The following HNMT variants were observed in gnomAD, a reference collection of about 807,000 sequenced individuals.
HNMT encodes histamine N-methyltransferase.
Under a neutral mutation model 32.1 loss-of-function variants are expected in HNMT, and 30 were observed. The observed-to-expected ratio is 0.93, with a 90% confidence interval of 0.70 to 1.27. HNMT has a LOEUF of 1.27. Ranked by LOEUF, HNMT falls within the 50% of genes most tolerant of loss-of-function variation. HNMT has a pLI of 0.00. For synonymous variants in HNMT, 125 were observed against 119.0 expected, an observed-to-expected ratio of 1.05 and a Z score of -0.33; for missense variants, 327 against 346.0, an observed-to-expected ratio of 0.95 and a Z score of 0.43.
intron 2 of HNMT, among the ~76,000 whole-genome samples, chr2:137,975,512 A>G (rs1225824563): frequency 6.6e-6 from 1 of 152,184 alleles, no homozygotes; most frequent in Non-Finnish European, 1.5e-5. Flanking sequence ...GTGAGTTTGG[A>G]GTCCCAGGAT....
chr2:138,000,446 G>T (rs1051913193), intron 2 of HNMT, among the ~76,000 whole-genome samples: 1 of 147,626 alleles, frequency 6.8e-6, no homozygotes, highest in East Asian at 2.0e-4. Context: ...ACATATGCTT[G>T]TACCCTTTAT....
chr2:138,000,263 CT>C (rs1278538695), intron 2 of HNMT, among the ~76,000 whole-genome samples: 1 of 152,114 alleles, frequency 6.6e-6, no homozygotes, highest in Non-Finnish European at 1.5e-5. Context: ...CATGAGTGAT[CT>C]TCCCCCATGA....
At chr2:137,982,000 C>T (rs903269013) in intron 2 of HNMT, among the ~76,000 whole-genome samples, 3 of 152,138 alleles carry the variant, frequency 2.0e-5, no homozygotes, top group African/African-American at 7.2e-5. Context: ...ATTACAGGCT[C>T]ACGCCACCAC....
At chr2:137,984,749 T>G (rs1231692549) in intron 2 of HNMT, among the ~76,000 whole-genome samples, 3 of 152,168 alleles carry the variant, frequency 2.0e-5, no homozygotes, top group African/African-American at 7.2e-5. Context: ...TGTTGGTAAG[T>G]TTGACATAGG....
rs1228651633 is a variant in HNMT at position 138,005,139 on chromosome 2, A to G, written c.437A>G (p.Tyr146Cys). 2 of 1,556,490 alleles carry G rather than the reference A, an allele frequency of 1.3e-6. No homozygotes were observed. Among genetic ancestry groups the G allele is most frequent in the Non-Finnish European group, 1.8e-6 (2 of 1,128,340 alleles). ...CTTTTTCCTCCTTTCTAGATGCTGT[A>G]TTATGTAAAAGACATCCCAGCTACC... ...WDFIHMIQML[Y>C]YVKDIPATLK... The change falls in exon 5 of 6, where the codon TAT (tyrosine) becomes TGT (cysteine). Residue 146 changes from tyrosine to cysteine, a missense_variant. Coordinates refer to ENST00000280097, the MANE Select transcript of HNMT (RefSeq NM_006895.3).
At chr2:137,966,934 A>G (rs1238208654) in intron 1 of HNMT, among the ~76,000 whole-genome samples, 1 of 152,172 alleles carries the variant, frequency 6.6e-6, no homozygotes, top group Admixed American at 6.5e-5. Context: ...TTTCCTGAAC[A>G]ATTCTTTAAG....
intron 3 of HNMT, among the ~76,000 whole-genome samples, 174 bp downstream of exon 3, chr2:138,001,199 G>A (rs1681160152): frequency 2.0e-5 from 3 of 152,168 alleles, no homozygotes; most frequent in Admixed American, 2.0e-4. Context: ...AATGTGAACA[G>A]TGAATAATAA....
At chr2:137,972,307 T>C (rs1680162752) in intron 2 of HNMT, among the ~76,000 whole-genome samples, 2 of 152,114 alleles carry the variant, frequency 1.3e-5, no homozygotes, top group African/African-American at 4.8e-5. Context: ...GGTTTCACCA[T>C]GTTGGCCAGG....
In HNMT at chr2:138,007,251, G is replaced by GTC. The variant is rs1573678325; in HGVS notation, c.523+2035_523+2036dup. On this transcript the variant is annotated intron_variant, in intron 5 of 5. Coordinates refer to ENST00000280097, the MANE Select transcript of HNMT (RefSeq NM_006895.3). ...CGATATTTTATTTGGGGCTTTCTAC[G>GTC]TCTCTCTCTCCTAAGCCTAAGAATG... Among the ~76,000 whole-genome samples the GTC allele has an allele frequency of 5.3e-5, 8 of 151,876 alleles. 1 individual carries two copies. In the South Asian group the frequency reaches 1.7e-3, roughly 31 times the overall value.
At chr2:138,012,935 G>A (rs180727657) in intron 5 of HNMT, among the ~76,000 whole-genome samples, 2 of 151,836 alleles carry the variant, frequency 1.3e-5, no homozygotes, top group East Asian at 3.9e-4. Context: ...TAGCCTTCTC[G>A]CTGTTCTCCC....
intron 4 of HNMT, among the ~76,000 whole-genome samples, chr2:138,003,002 C>T (rs1002596337): frequency 1.3e-5 from 2 of 148,434 alleles, no homozygotes; most frequent in Non-Finnish European, 3.0e-5. Flanking sequence ...CCAAACACCG[C>T]ATATTCTCAC....
chr2:137,987,768 G>T (rs1242657439), intron 2 of HNMT, among the ~76,000 whole-genome samples: 1 of 152,064 alleles, frequency 6.6e-6, no homozygotes, highest in East Asian at 1.9e-4. Flanking sequence ...TAACAAACTT[G>T]TTGGAAGCAA....
Position 138,014,036 on chromosome 2 carries a change from T to C in HNMT, c.785T>C (p.Leu262Pro). ...ATAPPDLRAE[L>P]GKDLQEPEFS... Reference sequence around the variant, plus strand: ...GCACCACCTGATCTCAGAGCAGAGCTTGGGAAAGATCTACAAGAGCCTGAA... The same window carrying C: ...GCACCACCTGATCTCAGAGCAGAGCCTGGGAAAGATCTACAAGAGCCTGAA... The change falls in exon 6 of 6, where the codon CTT becomes CCT. Residue 262 changes from leucine to proline, a missense_variant. Physicochemically the swap from Leu to Pro is moderately conservative, Grantham distance 98. Coordinates refer to ENST00000280097, the MANE Select transcript of HNMT (RefSeq NM_006895.3). 1 of 1,613,662 alleles carries C rather than the reference T, an allele frequency of 6.2e-7. No individual in the cohort carries two copies. The highest frequency in any genetic ancestry group is 8.5e-7 in the Non-Finnish European group (1 of 1,179,782).
chr2:137,992,434 T>C (rs1429343542), intron 2 of HNMT, among the ~76,000 whole-genome samples: 1 of 152,156 alleles, frequency 6.6e-6, no homozygotes, highest in East Asian at 1.9e-4. Context: ...GTCCAACACA[T>C]CTGCTTGCAG....
At chr2:137,997,861 T>C (rs918603006) in intron 2 of HNMT, among the ~76,000 whole-genome samples, 1 of 152,202 alleles carries the variant, frequency 6.6e-6, no homozygotes, top group Non-Finnish European at 1.5e-5. Context: ...TGAGTTCATG[T>C]CCTTCACAGG....
At chr2:137,967,824 T>C (rs1680005364) in intron 1 of HNMT, among the ~76,000 whole-genome samples, 2 of 152,222 alleles carry the variant, frequency 1.3e-5, no homozygotes, top group African/African-American at 2.4e-5. Context: ...ATTCTTTTCA[T>C]CATTCCCAGA....
In HNMT at chr2:138,014,563, A is replaced by T. The variant is rs1168561183; in HGVS notation, c.*433A>T. On this transcript the variant is annotated 3_prime_UTR_variant, in exon 6 of 6. Coordinates refer to ENST00000280097, the MANE Select transcript of HNMT (RefSeq NM_006895.3). ...TTGGCCGTTTTGTGAAGAAACATTTATCTTTGTACGTTCTTCTATTGTGCT... is the reference window on the plus strand; with the variant it reads ...TTGGCCGTTTTGTGAAGAAACATTTTTCTTTGTACGTTCTTCTATTGTGCT... The T allele has an allele frequency of 6.5e-6, 1 of 154,680 alleles. No individual in the cohort carries two copies. The highest frequency in any genetic ancestry group is 1.4e-5 in the Non-Finnish European group (1 of 69,426). The allele number at this position is 154,680 out of a possible 1,614,324, so 9.6% of individuals were successfully genotyped here. A position where few individuals can be genotyped will look rare whatever the true frequency, so the allele number is the denominator to read the frequency against.
chr2:137,979,522 G>A (rs1034982000), intron 2 of HNMT, among the ~76,000 whole-genome samples: 13 of 151,998 alleles, frequency 8.6e-5, no homozygotes, highest in African/African-American at 3.1e-4. Context: ...AAAGTGCTGG[G>A]ATTATAGGCG....
intron 5 of HNMT, among the ~76,000 whole-genome samples, chr2:138,010,441 G>GCGCA (rs754762389): frequency 2.0e-4 from 25 of 125,702 alleles, no homozygotes; most frequent in Middle Eastern, 4.2e-3. Flanking sequence ...AAAGACACAC[G>GCGCA]CACACACACA....
Sources: gnomAD v4.1 joint callset for allele counts (sites outside exome capture counted in the v4.1 genomes callset) on GRCh38, gnomAD v4.1.1 for gene constraint, MANE v1.5 for transcripts, NCBI Gene and HGNC (gene_info 2026-07-23, HGNC 2026-07-21) for gene names.